Variants in PFDN2 observed in about 807,000 individuals in gnomAD.
PFDN2 encodes the protein prefoldin subunit 2.
A neutral mutation model predicts 18.3 loss-of-function variants in PFDN2; 7 were observed. The ratio of observed to expected loss-of-function variants is 0.38; its 90% CI spans 0.22 to 0.72. The LOEUF (loss-of-function observed/expected upper bound fraction) is 0.72. PFDN2 is among the 30% of genes least tolerant of loss of function. The pLI, the probability that PFDN2 is intolerant of heterozygous loss-of-function variation, is 0.47. For missense variants in PFDN2, 181 were observed against 199.1 expected, an observed-to-expected ratio of 0.91 and a Z score of 0.55; for synonymous variants, 76 against 75.0, an observed-to-expected ratio of 1.01 and a Z score of -0.07.
chr1:161,115,265 T>C (rs1654885953), intron 1 of PFDN2, among the ~76,000 whole-genome samples: 1 of 152,210 alleles, frequency 6.6e-6, no homozygotes, highest in Non-Finnish European at 1.5e-5. Flanking sequence ...GGTTTCGCCA[T>C]GTTGGCCAAG....
chr1:161,116,939 T>C (rs1325137254), intron 1 of PFDN2, among the ~76,000 whole-genome samples: 1 of 152,200 alleles, frequency 6.6e-6, no homozygotes, highest in African/African-American at 2.4e-5. Flanking sequence ...GAACCTATAA[T>C]TAAGACAGCT....
intron 3 of PFDN2, 73 bp downstream of exon 3, chr1:161,101,975 C>T (rs978869076): frequency 1.4e-5 from 21 of 1,540,318 alleles, no homozygotes; most frequent in East Asian, 4.5e-5. Flanking sequence ...TCAAAGAGTC[C>T]ACCTGCCTTG....
intron 1 of PFDN2, among the ~76,000 whole-genome samples, chr1:161,109,934 A>G (rs1388574835): frequency 6.6e-6 from 1 of 151,620 alleles, no homozygotes; most frequent in African/African-American, 2.4e-5. Flanking sequence ...GGTGCCTGTA[A>G]TCCCAGTTAC....
At chr1:161,110,130 C>T (rs971544086) in intron 1 of PFDN2, among the ~76,000 whole-genome samples, 2 of 151,804 alleles carry the variant, frequency 1.3e-5, no homozygotes, top group Non-Finnish European at 1.5e-5. Context: ...CAGGCTGAGG[C>T]AGGCAGACCA....
intron 1 of PFDN2, among the ~76,000 whole-genome samples, chr1:161,112,055 C>A (rs1007659473): frequency 6.6e-6 from 1 of 152,158 alleles, no homozygotes; most frequent in South Asian, 2.1e-4. Context: ...AATGGCTTAA[C>A]GTCAGACCAT....
chr1:161,100,880 A>T, intron 3 of PFDN2, 21 bp from the exon 4 acceptor site: 1 of 1,593,744 alleles, frequency 6.3e-7, no homozygotes, highest in Non-Finnish European at 8.6e-7. Flanking sequence ...AGTGACAGGG[A>T]TTATATAAGG....
chr1:161,103,683 C>CAAAAAAAAAAAAAAAAA lies in PFDN2; in HGVS notation c.76-1325_76-1309dup, dbSNP rs553472563. Among the ~76,000 whole-genome samples the CAAAAAAAAAAAAAAAAA allele has an allele frequency of 1.2e-4, 9 of 74,918 alleles. 1 individual carries two copies. The highest frequency in any genetic ancestry group is 3.3e-4 in the East Asian group (1 of 2,988). The allele number at this position is 74,918 out of a possible 152,430, so 49.1% of individuals were successfully genotyped here. ...CTGGCAACAGAGCAAGACTCCGTCT[C>CAAAAAAAAAAAAAAAAA]AAAAAAAAAAAAAAAAAAAAAAAAA... On this transcript the variant is annotated intron_variant, in intron 1 of 3. Transcript: ENST00000368010.
At chr1:161,114,324 C>T (rs1484738617) in intron 1 of PFDN2, among the ~76,000 whole-genome samples, 1 of 152,216 alleles carries the variant, frequency 6.6e-6, no homozygotes, top group African/African-American at 2.4e-5. Context: ...AAGACAGAAA[C>T]CTGAGAGACA....
Position 161,105,410 on chromosome 1 carries a change from C to G in PFDN2, c.76-3035G>C, listed in dbSNP as rs532361940. Among the ~76,000 whole-genome samples the G allele has an allele frequency of 1.1e-4, 16 of 152,278 alleles. 1 individual carries two copies. The South Asian group carries it at 3.1e-3, about 30-fold the overall frequency. On this transcript the variant is annotated intron_variant, in intron 1 of 3. Coordinates refer to ENST00000368010, the MANE Select transcript of PFDN2 (RefSeq NM_012394.4). ...GGATTACACGCAGGAGCTACCATGC[C>G]CAGCAGAATTTATTTTCCTTAGTAA... is the stretch of plus-strand genomic sequence containing the variant.
chr1:161,106,322 T>C (rs550913758), intron 1 of PFDN2, among the ~76,000 whole-genome samples: 3 of 152,318 alleles, frequency 2.0e-5, no homozygotes, highest in Non-Finnish European at 2.9e-5. Flanking sequence ...CAGGTAATTA[T>C]AGCAACACAA....
intron 1 of PFDN2, among the ~76,000 whole-genome samples, chr1:161,114,150 A>G (rs74832386): frequency 1.3e-5 from 2 of 152,236 alleles, no homozygotes; most frequent in East Asian, 3.9e-4. Context: ...TGTATCTCCA[A>G]CTCAGATTTC....
chr1:161,100,905 T>C, intron 3 of PFDN2, 46 bp from the exon 4 acceptor site: 1 of 1,431,014 alleles, frequency 7.0e-7, no homozygotes, highest in Non-Finnish European at 9.8e-7. Flanking sequence ...CAGGACTCCT[T>C]TCCCCCACCT....
chr1:161,106,701 ATCATGGC>A (rs1654684109), intron 1 of PFDN2, among the ~76,000 whole-genome samples: 1 of 152,166 alleles, frequency 6.6e-6, no homozygotes, highest in African/African-American at 2.4e-5. Context: ...CAGTGGTGCA[ATCATGGC>A]TCATTGCAGC....
intron 1 of PFDN2, among the ~76,000 whole-genome samples, chr1:161,109,252 T>C (rs1654749063): frequency 6.6e-6 from 1 of 152,172 alleles, no homozygotes; most frequent in Non-Finnish European, 1.5e-5. Flanking sequence ...TCTCATTCAG[T>C]TTTTCTCTGC....
At chr1:161,105,596 T>A (rs1571183843) in intron 1 of PFDN2, among the ~76,000 whole-genome samples, 1 of 152,160 alleles carries the variant, frequency 6.6e-6, no homozygotes, top group East Asian at 1.9e-4. Flanking sequence ...TAGCTGGGAC[T>A]ACATGTGCAT....
At chr1:161,100,954 A>G in intron 3 of PFDN2, 95 bp from the exon 4 acceptor site, 1 of 881,224 alleles carries the variant, frequency 1.1e-6, no homozygotes, top group Non-Finnish European at 1.8e-6. Context: ...AACACATTTA[A>G]CCTTACCTTT....
intron 1 of PFDN2, among the ~76,000 whole-genome samples, chr1:161,111,981 C>T (rs1165419285): frequency 6.6e-6 from 1 of 152,132 alleles, no homozygotes; most frequent in Non-Finnish European, 1.5e-5. Flanking sequence ...AAAACCAGGC[C>T]TTTTCAGAAA....
chr1:161,109,285 G>A (rs1021206875), intron 1 of PFDN2, among the ~76,000 whole-genome samples: 1 of 151,954 alleles, frequency 6.6e-6, no homozygotes, highest in East Asian at 1.9e-4. Flanking sequence ...CTTTCTTCAG[G>A]TTTCAACTTA....
At chr1:161,109,272 G>A (rs1428864397) in intron 1 of PFDN2, among the ~76,000 whole-genome samples, 1 of 152,108 alleles carries the variant, frequency 6.6e-6, no homozygotes, top group Non-Finnish European at 1.5e-5. Flanking sequence ...CTTAAGTCTA[G>A]TTCTTTCTTC....
Sources: allele counts gnomAD v4.1 joint callset (sites outside exome capture counted in the v4.1 genomes callset), GRCh38; gene constraint gnomAD v4.1.1; transcripts MANE v1.5; gene names NCBI Gene and HGNC (gene_info 2026-07-23, HGNC 2026-07-21).